Variants in HDX observed in about 807,000 individuals in gnomAD.
HDX encodes highly divergent homeobox, also known as chromosome X open reading frame 43.
A neutral mutation model predicts 45.2 loss-of-function variants in HDX; 19 were observed. The ratio of observed to expected loss-of-function variants is 0.42; its 90% confidence interval spans 0.29 to 0.62. HDX has a LOEUF of 0.62. HDX is among the 20% of genes least tolerant of loss of function. The probability of loss-of-function intolerance (pLI) is 0.20; values close to 1 mark genes in which losing one functional copy is unlikely to be tolerated. For missense variants in HDX, 532 were observed against 493.9 expected (o/e 1.08, Z -0.73); for synonymous variants, 188 against 172.8 (o/e 1.09, Z -0.69).
At chrX:84,444,531 T>C (rs976295103) in intron 4 of HDX, among the ~76,000 whole-genome samples, 1 of 110,642 alleles carries the variant, frequency 9.0e-6, no homozygotes, top group African/African-American at 3.3e-5. Context: ...AGAAGAGAAC[T>C]AAATAGTCTG....
intron 5 of HDX, among the ~76,000 whole-genome samples, chrX:84,401,705 G>A (rs143808856): frequency 0.015 from 1,637 of 111,638 alleles, 13 homozygotes; most frequent in Non-Finnish European, 0.023. Context: ...CCCATTACTG[G>A]GTATATACCC....
intron 4 of HDX, among the ~76,000 whole-genome samples, chrX:84,465,283 A>G (rs779269864): frequency 8.9e-6 from 1 of 112,163 alleles, no homozygotes; most frequent in South Asian, 3.7e-4. Flanking sequence ...ACGATCTAGA[A>G]CCAGATATAC....
chrX:84,326,331 A>T lies in HDX; in HGVS notation c.1825-31T>A, dbSNP rs777521188. On this transcript the variant is annotated intron_variant, in intron 9 of 10. Coordinates refer to ENST00000373177, the MANE Select transcript of HDX (RefSeq NM_001177479.2). ...AGAGAAAATACCAAATGATACAATT[A>T]CCTTATGTAAACCCAGGACTATACA... The T allele has an allele frequency of 2.7e-6, 3 of 1,105,684 alleles. No homozygotes were observed. In the East Asian group the frequency reaches 9.0e-5, roughly 33 times the overall value. The allele number at this position is 1,105,684 out of a possible 1,213,427, so 91.1% of individuals were successfully genotyped here.
At chrX:84,480,542 C>T (rs748617581) in intron 2 of HDX, among the ~76,000 whole-genome samples, 1 of 111,033 alleles carries the variant, frequency 9.0e-6, no homozygotes, top group Non-Finnish European at 1.9e-5. Context: ...AAACTGAGTT[C>T]TTCTTCTTAT....
At position 84,326,145 on chromosome X, in the gene HDX, C is replaced by T. The variant is rs1039645293; in HGVS notation, c.1947+33G>A. On this transcript the variant is annotated intron_variant, in intron 10 of 10. Transcript: ENST00000373177. ...TGACATACCATTTTTTGACTTGATA[C>T]ATTGCAGCTTACTAGTCTTTCCTGG... The T allele has an allele frequency of 6.7e-6, 8 of 1,191,036 alleles. No homozygotes were observed. The African/African-American group carries it at 1.2e-4, about 18-fold the overall frequency.
chrX:84,476,523 T>A (rs185036019), intron 2 of HDX, among the ~76,000 whole-genome samples: 2 of 55,017 alleles, frequency 3.6e-5, no homozygotes, highest in African/African-American at 8.3e-5. Flanking sequence ...CCAGCCTGGG[T>A]GACAAAAAGA....
chrX:84,479,090 T>C (rs2040615801), intron 2 of HDX, among the ~76,000 whole-genome samples: 1 of 111,701 alleles, frequency 9.0e-6, no homozygotes, highest in African/African-American at 3.2e-5. Context: ...CTTCTAAACT[T>C]ACATACAGTA....
intron 5 of HDX, among the ~76,000 whole-genome samples, chrX:84,373,921 G>T (rs2037969859): frequency 9.2e-6 from 1 of 108,861 alleles, no homozygotes; most frequent in Admixed American, 9.9e-5. Flanking sequence ...CAATTAGGCA[G>T]AAGAAGGAAA....
At chrX:84,483,496 T>G (rs2040731482) in intron 2 of HDX, among the ~76,000 whole-genome samples, 1 of 112,375 alleles carries the variant, frequency 8.9e-6, no homozygotes, top group African/African-American at 3.2e-5. Context: ...GTTGGCCCCT[T>G]TTAGCCATGG....
chrX:84,332,607 A>C lies in HDX; in HGVS notation c.1824+1152T>G, dbSNP rs187243857. 4.0e-3 allele frequency among the ~76,000 whole-genome samples: 445 copies of C among 111,039 alleles called. 3 individuals are homozygous for C. The highest frequency in any genetic ancestry group is 0.014 in the African/African-American group (422 of 30,623). On this transcript the variant is annotated intron_variant, in intron 9 of 10. Coordinates refer to ENST00000373177, the MANE Select transcript of HDX (RefSeq NM_001177479.2). ...AGCACTCTTAACAGCTGTGCAATCT[A>C]GTCCTTTCGTCTGTAGTTTCCACAA...
At chrX:84,344,573 C>A (rs1408012569) in intron 6 of HDX, 116 bp from the exon 7 acceptor site, 2 of 442,395 alleles carry the variant, frequency 4.5e-6, no homozygotes, top group Non-Finnish European at 7.7e-6. Context: ...TAAATGGGTA[C>A]ACAGAAAGGT....
At position 84,408,752 on chromosome X, in the gene HDX, G is replaced by A. The variant is rs150699245; in HGVS notation, c.1305+31780C>T. ...CTCTGGTATCTTTTAGCAGTGTTTT[G>A]TACTTCTCTGTGTAGCGATCTTCCA... On this transcript the variant is annotated intron_variant, in intron 5 of 10. Coordinates refer to ENST00000373177, the MANE Select transcript of HDX (RefSeq NM_001177479.2). Among the ~76,000 whole-genome samples the A allele has an allele frequency of 7.8e-3, 856 of 109,391 alleles. 3 individuals carry two copies. The highest frequency in any genetic ancestry group is 0.013 in the Non-Finnish European group (685 of 52,568). 95.0% of individuals were successfully genotyped at this position (109,391 alleles called of 115,157 possible).
At chrX:84,407,428 A>T (rs6623017) in intron 5 of HDX, among the ~76,000 whole-genome samples, 20,822 of 110,619 alleles carry the variant, frequency 0.19, 1,934 homozygotes, top group East Asian at 0.68. Context: ...ACATGATGTA[A>T]ATGTTCCACA....
intron 5 of HDX, among the ~76,000 whole-genome samples, chrX:84,402,690 G>C (rs1002474034): frequency 4.5e-5 from 5 of 111,309 alleles, no homozygotes; most frequent in South Asian, 3.7e-4. Context: ...AATCAATTGG[G>C]TAACTACCTA....
At chrX:84,361,195 A>G (rs1010862753) in intron 6 of HDX, among the ~76,000 whole-genome samples, 2 of 111,905 alleles carry the variant, frequency 1.8e-5, no homozygotes, top group Non-Finnish European at 3.8e-5. Context: ...TATTGGCAAT[A>G]TGTATATCTT....
intron 2 of HDX, among the ~76,000 whole-genome samples, chrX:84,484,740 C>G (rs924247232): frequency 8.9e-6 from 1 of 111,744 alleles, no homozygotes; most frequent in African/African-American, 3.3e-5. Flanking sequence ...GAAATGGTAT[C>G]TCATTGTGGT....
intron 5 of HDX, among the ~76,000 whole-genome samples, chrX:84,379,413 C>T (rs1304967574): frequency 9.0e-6 from 1 of 110,541 alleles, no homozygotes; most frequent in Non-Finnish European, 1.9e-5. Flanking sequence ...AACATTTCAT[C>T]CAAGAGCTGA....
At chrX:84,330,292 T>C (rs2036818476) in intron 9 of HDX, among the ~76,000 whole-genome samples, 1 of 111,882 alleles carries the variant, frequency 8.9e-6, no homozygotes, top group Admixed American at 9.6e-5. Flanking sequence ...TCTGGCAAAC[T>C]GGTCTCAAAA....
intron 7 of HDX, among the ~76,000 whole-genome samples, chrX:84,341,410 A>G (rs1476417234): frequency 9.0e-6 from 1 of 111,313 alleles, no homozygotes; most frequent in Non-Finnish European, 1.9e-5. Context: ...ATCATCTTCA[A>G]TATGAATAAC....
Sources: gnomAD v4.1 joint callset for allele counts (sites outside exome capture counted in the v4.1 genomes callset) on GRCh38, gnomAD v4.1.1 for gene constraint, MANE v1.5 for transcripts, NCBI Gene and HGNC (gene_info 2026-07-23, HGNC 2026-07-21) for gene names.